Variants in PRDM5 observed in about 807,000 individuals in gnomAD.
PRDM5 encodes the protein PR/SET domain 5, also known as PR domain zinc finger protein 5.
In PRDM5, 56 loss-of-function variants were observed where a neutral mutation model predicts 81.2. The ratio of observed to expected loss-of-function variants is 0.69; its 90% CI spans 0.56 to 0.86. The LOEUF is 0.86. Among genes scored for constraint, PRDM5 ranks in the 40% least tolerant of loss-of-function variants. The pLI is 0.00. For missense variants in PRDM5, 697 were observed against 770.1 expected (o/e 0.91, Z 1.12); for synonymous variants, 267 against 256.4 (o/e 1.04, Z -0.39).
At chr4:120,721,823 C>T (rs1738648448) in intron 14 of PRDM5, among the ~76,000 whole-genome samples, 1 of 152,000 alleles carries the variant, frequency 6.6e-6, no homozygotes, top group Non-Finnish European at 1.5e-5. Context: ...GTTATCACAG[C>T]CATGTAGCCG....
At chr4:120,770,072 G>A (rs543919200) in intron 13 of PRDM5, among the ~76,000 whole-genome samples, 58 of 151,984 alleles carry the variant, frequency 3.8e-4, no homozygotes, top group African/African-American at 1.3e-3. Context: ...TCGTTCTGTC[G>A]CCCAGGTTGG....
At position 120,821,243 on chromosome 4, in the gene PRDM5, G is replaced by T. The variant is rs761418669; in HGVS notation, c.403C>A (p.Gln135Lys). ...TCTTTGATGACTGTCATAATTTGCT[G>T]TTCTTCCTCCTCAGCCTCCATGTCA... Reference protein sequence around the residue: ...DSDMEAEEEEQQIMTVIKEGE... With the variant: ...DSDMEAEEEEKQIMTVIKEGE... Residue 135 changes from glutamine (Q) to lysine (K), a missense_variant, in exon 4 of 16, where the codon CAG becomes AAG. Physicochemically the swap from Gln to Lys is moderately conservative, Grantham distance 53. This residue lies in a region of PRDM5 where 577 missense variants were observed against 606.7 expected (regional missense o/e 0.95). Coordinates refer to ENST00000264808, the MANE Select transcript of PRDM5 (RefSeq NM_018699.4). 3 of 1,613,852 alleles carry T rather than the reference G, an allele frequency of 1.9e-6. No individual in the cohort carries two copies. The African/African-American group carries it at 4.0e-5, about 22-fold the overall frequency.
chr4:120,712,228 G>A (rs1352891276), intron 14 of PRDM5, among the ~76,000 whole-genome samples: 2 of 152,184 alleles, frequency 1.3e-5, no homozygotes, highest in Non-Finnish European at 1.5e-5. Context: ...GGAGGTTGCA[G>A]TGAGCCAAGA....
In PRDM5 at chr4:120,806,214, G is replaced by A. The variant is rs1313186316; in HGVS notation, c.945+5156C>T. 2.0e-5 allele frequency among the ~76,000 whole-genome samples: 3 copies of A among 152,310 alleles called. No homozygotes were observed. The East Asian group carries it at 5.8e-4, about 29-fold the overall frequency. ...AAATAAAAGAGGACACAAACAAATGGAAGAACGTTCCATGCTCACGGATAG... is the reference window on the plus strand; with the variant it reads ...AAATAAAAGAGGACACAAACAAATGAAAGAACGTTCCATGCTCACGGATAG... On this transcript the variant is annotated intron_variant, in intron 8 of 15. Transcript: ENST00000264808.
intron 13 of PRDM5, among the ~76,000 whole-genome samples, chr4:120,773,879 C>T (rs1260651581): frequency 7.2e-5 from 11 of 152,272 alleles, no homozygotes; most frequent in South Asian, 6.2e-4. Context: ...TCTTAAACCA[C>T]AGACTTTCAG....
intron 1 of PRDM5, among the ~76,000 whole-genome samples, chr4:120,920,516 A>G (rs1724772884): frequency 6.6e-6 from 1 of 152,194 alleles, no homozygotes; most frequent in South Asian, 2.1e-4. Context: ...TAAGCAGGTA[A>G]GGGATGCCTT....
Position 120,712,936 on chromosome 4 carries a change from T to C in PRDM5, c.1624-2523A>G, listed in dbSNP as rs529515194. Among the ~76,000 whole-genome samples, 3 of 152,332 alleles carry C rather than the reference T, an allele frequency of 2.0e-5. No individual in the cohort carries two copies. In the South Asian group the frequency reaches 6.2e-4, roughly 32 times the overall value. On this transcript the variant is annotated intron_variant, in intron 14 of 15. Transcript: ENST00000264808. ...TGAAAAAATCTTGTACACTTGAATA[T>C]AGGTGAAAGCAATTCTCTAAGGCAT...
intron 13 of PRDM5, among the ~76,000 whole-genome samples, chr4:120,756,175 T>A (rs1337608032): frequency 6.6e-6 from 1 of 152,192 alleles, no homozygotes; most frequent in African/African-American, 2.4e-5. Context: ...TAACCCTGAG[T>A]TGATAACACA....
At chr4:120,861,564 G>A (rs1308764727) in intron 2 of PRDM5, among the ~76,000 whole-genome samples, 9 of 151,980 alleles carry the variant, frequency 5.9e-5, no homozygotes, top group Admixed American at 1.3e-4. Flanking sequence ...TTGGGAGGCC[G>A]AGGCGGGCAT....
At position 120,779,908 on chromosome 4, in the gene PRDM5, T is replaced by TCAAA. The variant is rs113762671; in HGVS notation, c.1443+1231_1443+1234dup. Among the ~76,000 whole-genome samples the TCAAA allele has an allele frequency of 3.9e-3, 596 of 151,660 alleles. 3 individuals are homozygous for TCAAA. The highest frequency in any genetic ancestry group is 4.8e-3 in the Non-Finnish European group (327 of 67,908). ...CTGGGTGACAGAGTGAGACTCTGAC[T>TCAAA]CAAACAAACAAACAAACAAACAAAC... On this transcript the variant is annotated intron_variant, in intron 12 of 15. Transcript: ENST00000264808.
At chr4:120,899,371 G>A (rs1478976911) in intron 2 of PRDM5, among the ~76,000 whole-genome samples, 3 of 152,072 alleles carry the variant, frequency 2.0e-5, no homozygotes, top group Non-Finnish European at 4.4e-5. Flanking sequence ...GCCATAATTC[G>A]TCACACAGCT....
intron 14 of PRDM5, among the ~76,000 whole-genome samples, chr4:120,737,604 C>T (rs1021430930): frequency 1.3e-5 from 2 of 152,222 alleles, no homozygotes; most frequent in African/African-American, 4.8e-5. Context: ...CAGCTGCTGG[C>T]ACACAGTTGG....
In PRDM5 at chr4:120,768,254, C is replaced by T. The variant is rs115259174; in HGVS notation, c.1537+8934G>A. Among the ~76,000 whole-genome samples the T allele has an allele frequency of 5.5e-3, 840 of 152,178 alleles. 9 individuals carry two copies. Among genetic ancestry groups the T allele is most frequent in the African/African-American group, 0.019 (806 of 41,532 alleles). ...AGCTATATAGAAAAAAAAGAGATAA[C>T]TTAAAACAGAATTTGAAGTCAAAAG... is the stretch of plus-strand genomic sequence containing the variant. On this transcript the variant is annotated intron_variant, in intron 13 of 15. Coordinates refer to ENST00000264808, the MANE Select transcript of PRDM5 (RefSeq NM_018699.4).
chr4:120,774,812 T>G (rs1238042265), intron 13 of PRDM5, among the ~76,000 whole-genome samples: 1 of 151,390 alleles, frequency 6.6e-6, no homozygotes, highest in Non-Finnish European at 1.5e-5. Context: ...GATAGACAAT[T>G]AGAATTAGAG....
chr4:120,761,777 C>T (rs1745646898), intron 13 of PRDM5, among the ~76,000 whole-genome samples: 1 of 152,016 alleles, frequency 6.6e-6, no homozygotes, highest in African/African-American at 2.4e-5. Context: ...TAAATTAGAA[C>T]ATGGATCTAA....
At chr4:120,736,848 C>A (rs771136310) in intron 14 of PRDM5, among the ~76,000 whole-genome samples, 3 of 152,164 alleles carry the variant, frequency 2.0e-5, no homozygotes, top group Non-Finnish European at 2.9e-5. Context: ...TAATGGCACA[C>A]AGATAGTGAC....
rs148398171 is a variant in PRDM5 at position 120,864,783 on chromosome 4, G to A, written c.178-11243C>T. On this transcript the variant is annotated intron_variant, in intron 2 of 15. Coordinates refer to ENST00000264808, the MANE Select transcript of PRDM5 (RefSeq NM_018699.4). Reference sequence around the variant, plus strand: ...CTAAAAGATTTTGTTTCCTCACTCAGAATCTGACTAAAGCTCTTATGTCCT... The same window carrying A: ...CTAAAAGATTTTGTTTCCTCACTCAAAATCTGACTAAAGCTCTTATGTCCT... Among the ~76,000 whole-genome samples the A allele has an allele frequency of 2.7e-4, 41 of 152,294 alleles. 3 individuals carry two copies. Among genetic ancestry groups the A allele is most frequent in the African/African-American group, 9.9e-4 (41 of 41,568 alleles).
chr4:120,821,758 C>A (rs542004296), intron 3 of PRDM5, among the ~76,000 whole-genome samples: 3 of 147,736 alleles, frequency 2.0e-5, no homozygotes, highest in African/African-American at 5.0e-5. Flanking sequence ...AAAAAAAAAG[C>A]CTTTCAAGTT....
chr4:120,897,468 C>T (rs562189225), intron 2 of PRDM5, among the ~76,000 whole-genome samples: 2 of 152,196 alleles, frequency 1.3e-5, no homozygotes, highest in East Asian at 3.9e-4. Flanking sequence ...CTGTTTCAGG[C>T]TCATACAGCT....
Sources: gnomAD v4.1 joint callset for allele counts (sites outside exome capture counted in the v4.1 genomes callset) on GRCh38, gnomAD v4.1.1 for gene constraint, gnomAD v4.1.1 regional missense constraint, MANE v1.5 for transcripts, NCBI Gene and HGNC (gene_info 2026-07-23, HGNC 2026-07-21) for gene names.